The following SYNJ2 variants were observed in gnomAD, a reference collection of about 807,000 sequenced individuals.
The protein encoded by SYNJ2 is synaptojanin 2.
In SYNJ2, 116 loss-of-function variants were observed where a neutral mutation model predicts 141.3. The ratio of observed to expected loss-of-function variants is 0.82; its 90% CI spans 0.71 to 0.96. The LOEUF (loss-of-function observed/expected upper bound fraction) is 0.96. Among genes scored for constraint, SYNJ2 ranks in the 40% least tolerant of loss-of-function variants. The pLI is 0.00. For missense variants in SYNJ2, 1,873 were observed against 1,934.8 expected, an observed-to-expected ratio of 0.97 and a Z score of 0.60; for synonymous variants, 745 against 777.7, an observed-to-expected ratio of 0.96 and a Z score of 0.70.
At chr6:158,023,047 C>T (rs990862763) in intron 2 of SYNJ2, among the ~76,000 whole-genome samples, 8 of 152,112 alleles carry the variant, frequency 5.3e-5, no homozygotes, top group Non-Finnish European at 1.2e-4. Context: ...CCTAGAAGTT[C>T]AAGACCAGCC....
intron 1 of SYNJ2, among the ~76,000 whole-genome samples, chr6:158,000,493 G>A (rs1193039902): frequency 6.6e-6 from 1 of 152,180 alleles, no homozygotes; most frequent in Non-Finnish European, 1.5e-5. Flanking sequence ...TAACCCAGGT[G>A]AGAAAACAGG....
intron 1 of SYNJ2, among the ~76,000 whole-genome samples, chr6:158,008,234 A>C (rs1778142995): frequency 1.3e-5 from 2 of 152,200 alleles, no homozygotes; most frequent in Admixed American, 6.5e-5. Context: ...TGGCCTCCCA[A>C]AGTGCTGGGA....
intron 4 of SYNJ2, among the ~76,000 whole-genome samples, chr6:158,034,448 G>T (rs550951590): frequency 6.6e-6 from 1 of 152,218 alleles, no homozygotes; most frequent in Admixed American, 6.5e-5. Context: ...CCGCTGCTGG[G>T]AGAGGAATGC....
intron 1 of SYNJ2, among the ~76,000 whole-genome samples, chr6:157,989,809 G>A (rs947390951): frequency 2.0e-5 from 3 of 152,200 alleles, no homozygotes; most frequent in Non-Finnish European, 4.4e-5. Context: ...GTTAGACTGG[G>A]TCGGCTCCAA....
chr6:158,017,308 GGA>G lies in SYNJ2; in HGVS notation c.214+20_214+21del, dbSNP rs1452651638. Reference sequence around the variant, plus strand: ...GAAATCTGGTGAGTAGCCGCTCGCTGGAGGAGCAGGCGCCAGGCTCCCCGGTG... The same window carrying G: ...GAAATCTGGTGAGTAGCCGCTCGCTGGGAGCAGGCGCCAGGCTCCCCGGTG... On this transcript the variant is annotated intron_variant, in intron 2 of 26. Transcript: ENST00000355585. The G allele has an allele frequency of 6.2e-7, 1 of 1,605,126 alleles. No homozygotes were observed. The highest frequency in any genetic ancestry group is 1.3e-5 in the African/African-American group (1 of 74,874).
rs781478073 is a variant in SYNJ2, at chr6:158,092,993, C to T, written c.3633C>T (p.Pro1211=). 3 of 1,613,184 alleles carry T rather than the reference C, an allele frequency of 1.9e-6. No homozygotes were observed. The South Asian group carries it at 3.3e-5, about 18-fold the overall frequency. The change falls in exon 26 of 27, where the codon CCC becomes CCT. Residue 1211 remains proline, a synonymous_variant. Transcript: ENST00000355585. ...TTGAAGCATCCTCTGAACCAGAGCC[C>T]ACACCGGGGGCAGCCAAACCAGAGA... ...RDLEASSEPE[P]TPGAAKPETP...
chr6:157,983,479 A>G (rs1777086004), intron 1 of SYNJ2, among the ~76,000 whole-genome samples: 1 of 152,238 alleles, frequency 6.6e-6, no homozygotes, highest in African/African-American at 2.4e-5. Flanking sequence ...GAGTAATTTC[A>G]TGGTACAAAA....
intron 1 of SYNJ2, among the ~76,000 whole-genome samples, chr6:157,983,050 C>T (rs571176658): frequency 6.6e-6 from 1 of 152,200 alleles, no homozygotes; most frequent in Non-Finnish European, 1.5e-5. Flanking sequence ...AACAGCTTGC[C>T]GGTATTCCTA....
intron 5 of SYNJ2, among the ~76,000 whole-genome samples, chr6:158,050,357 A>G (rs574764365): frequency 3.9e-5 from 6 of 152,216 alleles, no homozygotes; most frequent in Non-Finnish European, 8.8e-5. Context: ...CAACGACCAC[A>G]CTTTGAGAAT....
chr6:158,053,674 T>TATCCAGCCAGTCATCC, intron 5 of SYNJ2, among the ~76,000 whole-genome samples: 1 of 149,742 alleles, frequency 6.7e-6, no homozygotes, highest in Non-Finnish European at 1.5e-5. Flanking sequence ...CCCATCCCTC[T>TATCCAGCCAGTCATCC]ATCCAGCCAG....
At chr6:158,029,130 G>T (rs1265638356) in intron 3 of SYNJ2, 104 bp downstream of exon 3, 1 of 1,382,930 alleles carries the variant, frequency 7.2e-7, no homozygotes. Context: ...CCACCCCCGG[G>T]TTATGGGGCA....
chr6:158,066,507 T>A lies in SYNJ2; in HGVS notation c.1589T>A (p.Ile530Asn). ...TCCGAATTCACAAATTTCAAGCGGA[T>A]CCGGATTGCTATGGGGACCTGGAAC... ...RQSEFTNFKR[I>N]RIAMGTWNVN... The change falls in exon 12 of 27, where the codon ATC becomes AAC. Residue 530 changes from isoleucine to asparagine, a missense_variant. By Grantham distance (149) the Ile-to-Asn change is moderately radical. Transcript: ENST00000355585. 2 of 1,614,150 alleles carry A rather than the reference T, an allele frequency of 1.2e-6. No homozygotes were observed. The highest frequency in any genetic ancestry group is 1.7e-6 in the Non-Finnish European group (2 of 1,180,040).
chr6:157,989,763 C>A (rs1777345749), intron 1 of SYNJ2, among the ~76,000 whole-genome samples: 1 of 152,136 alleles, frequency 6.6e-6, no homozygotes, highest in Non-Finnish European at 1.5e-5. Flanking sequence ...AGGCCCCAGG[C>A]TTCTCAAGGA....
At chr6:158,045,615 CTCTTCT>C (rs10590337) in intron 5 of SYNJ2, among the ~76,000 whole-genome samples, 2 of 151,776 alleles carry the variant, frequency 1.3e-5, no homozygotes, top group Admixed American at 6.6e-5. Context: ...TTCTGGTTCC[CTCTTCT>C]TCTTCTTGTC....
rs972557641 is a variant in SYNJ2 at position 158,098,550 on chromosome 6, A to G, written c.*2186A>G. ...CAGAATTCTCTTAAAAAAAAAAAAA[A>G]GGACAATTGGAATTGCCTTATTTAT... On this transcript the variant is annotated 3_prime_UTR_variant, in exon 27 of 27. Transcript: ENST00000355585. The G allele has an allele frequency of 1.6e-4, 24 of 151,694 alleles. No homozygotes were observed. Among genetic ancestry groups the G allele is most frequent in the Non-Finnish European group, 2.6e-4 (18 of 67,926 alleles). The allele number at this position is 151,694 out of a possible 1,614,324, so 9.4% of individuals were successfully genotyped here. A position where few individuals can be genotyped will look rare whatever the true frequency, so the allele number is the denominator to read the frequency against.
chr6:157,989,875 C>CAG (rs1451524647), intron 1 of SYNJ2, among the ~76,000 whole-genome samples: 1 of 151,906 alleles, frequency 6.6e-6, no homozygotes. Context: ...GGGGCTCCTG[C>CAG]AGAGCGTGTC....
intron 6 of SYNJ2, 130 bp from the exon 7 acceptor site, chr6:158,059,127 G>A: frequency 4.1e-6 from 4 of 965,750 alleles, no homozygotes; most frequent in East Asian, 3.1e-5. Flanking sequence ...GGTCATGGGG[G>A]ACAGCTGGTC....
intron 1 of SYNJ2, among the ~76,000 whole-genome samples, chr6:157,993,016 C>G (rs976521539): frequency 6.6e-6 from 1 of 152,022 alleles, no homozygotes; most frequent in Non-Finnish European, 1.5e-5. Flanking sequence ...TGAGGAACCT[C>G]CAAACTGTTC....
chr6:158,084,260 T>G lies in SYNJ2; in HGVS notation c.3208+86T>G. ...CCTTTTTCTCTTGGCGATTGGGCAC[T>G]GTGTGATATCAAGTATGCAGGTCCC... On this transcript the variant is annotated intron_variant, in intron 22 of 26. Transcript: ENST00000355585. This position sits in a 1 kb window ranked among gnomAD's most constrained non-coding sequence, Gnocchi z 5.0. 1 of 1,444,202 alleles carries G rather than the reference T, an allele frequency of 6.9e-7. No individual in the cohort carries two copies. The allele number at this position is 1,444,202 out of a possible 1,614,324, so 89.5% of individuals were successfully genotyped here. A position where few individuals can be genotyped will look rare whatever the true frequency, so the allele number is the denominator to read the frequency against.
Sources: gnomAD v4.1 joint callset for allele counts (sites outside exome capture counted in the v4.1 genomes callset) on GRCh38, gnomAD v4.1.1 for gene constraint, Gnocchi (gnomAD v3.1) non-coding constraint, MANE v1.5 for transcripts, NCBI Gene and HGNC (gene_info 2026-07-23, HGNC 2026-07-21) for gene names.